The following TSHZ2 variants were observed in gnomAD, a reference collection of about 807,000 sequenced individuals.
The protein encoded by TSHZ2 is teashirt homolog 2.
A neutral mutation model predicts 74.4 loss-of-function variants in TSHZ2; 21 were observed. The observed-to-expected ratio is 0.28, with a 90% CI of 0.20 to 0.41. The LOEUF (loss-of-function observed/expected upper bound fraction) is 0.41. Among genes scored for constraint, TSHZ2 ranks in the 10% least tolerant of loss-of-function variants. The probability of loss-of-function intolerance (pLI) is 1.00; values close to 1 mark genes in which losing one functional copy is unlikely to be tolerated. For missense variants in TSHZ2, 1,244 were observed against 1,293.5 expected, an observed-to-expected ratio of 0.96 and a Z score of 0.59; for synonymous variants, 540 against 515.3, an observed-to-expected ratio of 1.05 and a Z score of -0.65.
intron 1 of TSHZ2, among the ~76,000 whole-genome samples, chr20:52,978,471 C>T (rs1474153956): frequency 1.3e-5 from 2 of 152,132 alleles, no homozygotes; most frequent in Non-Finnish European, 2.9e-5. Context: ...GACTCAGCCA[C>T]TATTTCGAAG....
chr20:53,101,838 A>G (rs898104818), intron 1 of TSHZ2, among the ~76,000 whole-genome samples: 6 of 152,230 alleles, frequency 3.9e-5, no homozygotes, highest in African/African-American at 1.4e-4. Flanking sequence ...CTTATATGAA[A>G]AAAAGTAGAA....
At chr20:53,341,530 G>C (rs1014349439) in intron 2 of TSHZ2, among the ~76,000 whole-genome samples, 1 of 150,372 alleles carries the variant, frequency 6.7e-6, no homozygotes, top group African/African-American at 2.5e-5. Context: ...TTACTATGTT[G>C]ACCAGGCTAG....
chr20:53,346,900 C>A (rs113526223), intron 2 of TSHZ2, among the ~76,000 whole-genome samples: 6 of 152,312 alleles, frequency 3.9e-5, no homozygotes, highest in African/African-American at 1.4e-4. Context: ...ATAAACATCT[C>A]TTTGTCCAGT....
intron 1 of TSHZ2, among the ~76,000 whole-genome samples, chr20:53,109,892 C>T (rs943385190): frequency 1.3e-5 from 2 of 152,174 alleles, no homozygotes; most frequent in African/African-American, 4.8e-5. Flanking sequence ...GGGTTCTCAG[C>T]TCAGCTCAGC....
In TSHZ2 at chr20:53,469,778, G is replaced by A. The variant is rs867913608; in HGVS notation, c.*9-17366G>A. Among the ~76,000 whole-genome samples, 19 of 98,994 alleles carry A rather than the reference G, an allele frequency of 1.9e-4. 1 individual carries two copies. The highest frequency in any genetic ancestry group is 3.1e-4 in the African/African-American group (8 of 26,020). The allele number at this position is 98,994 out of a possible 152,430, so 64.9% of individuals were successfully genotyped here. A position where few individuals can be genotyped will look rare whatever the true frequency, so the allele number is the denominator to read the frequency against. On this transcript the variant is annotated intron_variant, in intron 2 of 2. Transcript: ENST00000371497. ...AAAGATAGAGAGGGAGGAAGGGAGG[G>A]AGGGAGGGAGGAAGGAAGGAAGGAA...
chr20:53,045,813 C>G (rs746583151), intron 1 of TSHZ2, among the ~76,000 whole-genome samples: 5 of 152,154 alleles, frequency 3.3e-5, no homozygotes, highest in African/African-American at 4.8e-5. Context: ...AAATGAGTGC[C>G]TAGGACAGAG....
At chr20:53,023,913 C>T (rs1249589659) in intron 1 of TSHZ2, among the ~76,000 whole-genome samples, 1 of 152,100 alleles carries the variant, frequency 6.6e-6, no homozygotes, top group East Asian at 1.9e-4. Flanking sequence ...TTCCTGAGTG[C>T]CCTCTGTTTG....
At chr20:53,308,577 G>A (rs1410154257) in intron 2 of TSHZ2, among the ~76,000 whole-genome samples, 2 of 152,084 alleles carry the variant, frequency 1.3e-5, no homozygotes, top group East Asian at 1.9e-4. Context: ...GGGTCACCGG[G>A]GGAGGCATTT....
At chr20:53,447,115 G>A (rs1984582984) in intron 2 of TSHZ2, among the ~76,000 whole-genome samples, 1 of 152,190 alleles carries the variant, frequency 6.6e-6, no homozygotes, top group Admixed American at 6.5e-5. Context: ...ATATAGATCA[G>A]AGACTGCTGC....
At chr20:53,333,517 A>G (rs923087643) in intron 2 of TSHZ2, among the ~76,000 whole-genome samples, 5 of 150,766 alleles carry the variant, frequency 3.3e-5, no homozygotes, top group Non-Finnish European at 5.9e-5. Context: ...GTGCAGTGGC[A>G]CGATCTCAGC....
At chr20:53,156,849 G>A (rs1987807013) in intron 1 of TSHZ2, among the ~76,000 whole-genome samples, 1 of 152,188 alleles carries the variant, frequency 6.6e-6, no homozygotes, top group Non-Finnish European at 1.5e-5. Context: ...TAACGTTTCT[G>A]TAGGTAGGGG....
At chr20:53,112,575 C>T (rs958157662) in intron 1 of TSHZ2, among the ~76,000 whole-genome samples, 5 of 152,174 alleles carry the variant, frequency 3.3e-5, no homozygotes, top group African/African-American at 1.2e-4. Context: ...GTTGCCCAGG[C>T]TGGAGTGCAG....
chr20:53,046,862 C>T (rs929291279), intron 1 of TSHZ2, among the ~76,000 whole-genome samples: 2 of 152,150 alleles, frequency 1.3e-5, no homozygotes, highest in African/African-American at 2.4e-5. Context: ...CTGTGTACTT[C>T]ACAAAAGGTC....
intron 2 of TSHZ2, among the ~76,000 whole-genome samples, chr20:53,472,561 C>T (rs1019342250): frequency 5.3e-5 from 8 of 152,172 alleles, no homozygotes; most frequent in Non-Finnish European, 8.8e-5. Flanking sequence ...ATGTTCAGAT[C>T]TGGAACTCAC....
At position 53,420,749 on chromosome 20, in the gene TSHZ2, C is replaced by G. The variant is rs925915244; in HGVS notation, c.*9-66395C>G. ...CTGCACTCTAGCCTGGGCGACAGAGCAAGACTCTGTCTCAAAAACAAAAAA... is the reference window on the plus strand; with the variant it reads ...CTGCACTCTAGCCTGGGCGACAGAGGAAGACTCTGTCTCAAAAACAAAAAA... On this transcript the variant is annotated intron_variant, in intron 2 of 2. Transcript: ENST00000371497. 6.6e-5 allele frequency among the ~76,000 whole-genome samples: 10 copies of G among 152,034 alleles called. 1 individual carries two copies. Among genetic ancestry groups the G allele is most frequent in the African/African-American group, 2.4e-4 (10 of 41,402 alleles).
intron 1 of TSHZ2, among the ~76,000 whole-genome samples, chr20:53,109,052 C>G (rs1461622580): frequency 7.2e-6 from 1 of 138,306 alleles, no homozygotes; most frequent in African/African-American, 2.5e-5. Context: ...AATTCCCACC[C>G]TCTCATCTCC....
chr20:53,307,116 C>T (rs138888103), intron 2 of TSHZ2, among the ~76,000 whole-genome samples: 3 of 151,750 alleles, frequency 2.0e-5, no homozygotes, highest in East Asian at 1.9e-4. Flanking sequence ...AGGCTGAGTG[C>T]GGGTAAATGA....
At chr20:53,088,956 C>T (rs535012767) in intron 1 of TSHZ2, among the ~76,000 whole-genome samples, 31 of 152,172 alleles carry the variant, frequency 2.0e-4, no homozygotes, top group Non-Finnish European at 2.1e-4. Context: ...CTGCATTCTT[C>T]GGCTGGCTCA....
intron 1 of TSHZ2, among the ~76,000 whole-genome samples, chr20:53,176,217 T>C (rs988203111): frequency 2.0e-5 from 3 of 152,220 alleles, no homozygotes; most frequent in Non-Finnish European, 4.4e-5. Flanking sequence ...TCTCCCTCTT[T>C]CTTTTACCCG....
Sources: gnomAD v4.1 joint callset for allele counts (sites outside exome capture counted in the v4.1 genomes callset) on GRCh38, gnomAD v4.1.1 for gene constraint, MANE v1.5 for transcripts, NCBI Gene and HGNC (gene_info 2026-07-23, HGNC 2026-07-21) for gene names.